The following NBEA variants were observed in gnomAD, a reference collection of about 807,000 sequenced individuals.
The protein encoded by NBEA is lysosomal-trafficking regulator 2.
NBEA carries 44 observed loss-of-function variants against 343.4 expected under a neutral mutation model. The ratio of observed to expected loss-of-function variants is 0.13; its 90% CI spans 0.10 to 0.16. The LOEUF (loss-of-function observed/expected upper bound fraction) is 0.16, where lower values mean the gene tolerates loss of function less well. NBEA is among the 10% of genes least tolerant of loss of function. The pLI, the probability that NBEA is intolerant of heterozygous loss-of-function variation, is 1.00. For synonymous variants in NBEA, 1,175 were observed against 1,238.7 expected, an observed-to-expected ratio of 0.95 and a Z score of 1.08; for missense variants, 2,555 against 3,631.3, an observed-to-expected ratio of 0.70 and a Z score of 7.62.
At chr13:35,264,366 A>G (rs1488641202) in intron 34 of NBEA, among the ~76,000 whole-genome samples, 1 of 151,986 alleles carries the variant, frequency 6.6e-6, no homozygotes, top group Non-Finnish European at 1.5e-5. Context: ...CTTTTAAAAA[A>G]TTGAAGAGGA....
chr13:35,523,192 C>G (rs1013384914), intron 41 of NBEA, among the ~76,000 whole-genome samples: 1 of 152,084 alleles, frequency 6.6e-6, no homozygotes, highest in Non-Finnish European at 1.5e-5. Flanking sequence ...ACCTTTCCAT[C>G]CACTATTTAA....
chr13:35,108,680 G>A (rs1169532280), intron 11 of NBEA, among the ~76,000 whole-genome samples: 3 of 152,008 alleles, frequency 2.0e-5, no homozygotes, highest in African/African-American at 7.2e-5. Context: ...TGTATGAGAT[G>A]GTGCAGCTTT....
intron 38 of NBEA, among the ~76,000 whole-genome samples, chr13:35,369,213 A>G (rs1021761449): frequency 1.4e-5 from 2 of 143,170 alleles, no homozygotes; most frequent in African/African-American, 5.2e-5. Context: ...TTTGAAAATC[A>G]GTTGGCTGTA....
intron 38 of NBEA, among the ~76,000 whole-genome samples, chr13:35,386,505 TTC>T (rs1280750741): frequency 2.6e-5 from 4 of 152,160 alleles, no homozygotes; most frequent in Admixed American, 2.0e-4. Flanking sequence ...TCTAAAATTT[TTC>T]TCTTTTTAAT....
intron 38 of NBEA, among the ~76,000 whole-genome samples, chr13:35,363,492 T>C (rs1042695637): frequency 6.6e-6 from 1 of 151,874 alleles, no homozygotes; most frequent in Non-Finnish European, 1.5e-5. Context: ...ATTACTTCAA[T>C]TTCCTCACCC....
chr13:34,973,280 T>A (rs901942100), intron 1 of NBEA, among the ~76,000 whole-genome samples: 2 of 152,028 alleles, frequency 1.3e-5, no homozygotes, highest in African/African-American at 4.8e-5. Flanking sequence ...AGGAACAGGA[T>A]TGGAGACCTG....
intron 41 of NBEA, among the ~76,000 whole-genome samples, chr13:35,494,762 C>T (rs2076616010): frequency 6.6e-6 from 1 of 152,000 alleles, no homozygotes; most frequent in African/African-American, 2.4e-5. Context: ...GTAATTTCAG[C>T]TCTTTGAGAG....
intron 31 of NBEA, among the ~76,000 whole-genome samples, chr13:35,202,052 C>T (rs73167782): frequency 0.045 from 6,916 of 152,250 alleles, 199 homozygotes; most frequent in South Asian, 0.069. Context: ...CCACACCTTT[C>T]ACCAGCCAGA....
intron 17 of NBEA, among the ~76,000 whole-genome samples, chr13:35,139,743 C>CTTTTT (rs1566350012): frequency 1.8e-5 from 1 of 55,144 alleles, no homozygotes; most frequent in Non-Finnish European, 3.4e-5. Context: ...TGATGGATGG[C>CTTTTT]GTTTTTTTTT....
At chr13:35,049,997 C>T (rs1224688881) in intron 5 of NBEA, among the ~76,000 whole-genome samples, 6 of 151,498 alleles carry the variant, frequency 4.0e-5, no homozygotes, top group African/African-American at 1.5e-4. Context: ...TGGTGGTAGG[C>T]TTTTGTTGGC....
At chr13:35,016,051 T>G (rs899062443) in intron 1 of NBEA, among the ~76,000 whole-genome samples, 4 of 152,206 alleles carry the variant, frequency 2.6e-5, no homozygotes, top group Non-Finnish European at 2.9e-5. Context: ...AGTTATGTTT[T>G]ATATCAAAGC....
intron 1 of NBEA, among the ~76,000 whole-genome samples, chr13:35,026,175 T>C (rs1184571460): frequency 6.6e-6 from 1 of 152,118 alleles, no homozygotes; most frequent in East Asian, 1.9e-4. Flanking sequence ...CTGCTTGCCC[T>C]CATTCTGTCT....
intron 10 of NBEA, among the ~76,000 whole-genome samples, chr13:35,093,999 T>G (rs2152632061): frequency 6.6e-6 from 1 of 151,928 alleles, no homozygotes; most frequent in Non-Finnish European, 1.5e-5. Flanking sequence ...ATATAAGAGA[T>G]TTATAATGAT....
intron 35 of NBEA, among the ~76,000 whole-genome samples, chr13:35,308,045 C>T (rs1269074111): frequency 1.3e-5 from 2 of 151,896 alleles, no homozygotes; most frequent in Middle Eastern, 3.2e-3. Context: ...GATTTTCTCT[C>T]CTTGGGAGAT....
chr13:34,987,807 C>T (rs1283545360), intron 1 of NBEA, among the ~76,000 whole-genome samples: 3 of 151,144 alleles, frequency 2.0e-5, no homozygotes, highest in Non-Finnish European at 3.0e-5. Flanking sequence ...CTTGTGCATG[C>T]ATCACATAGT....
Position 35,671,119 on chromosome 13 carries a change from T to C in NBEA, c.*128T>C. 1 of 633,464 alleles carries C rather than the reference T, an allele frequency of 1.6e-6. No individual in the cohort carries two copies. The highest frequency in any genetic ancestry group is 1.8e-5 in the African/African-American group (1 of 54,894). 39.2% of individuals were successfully genotyped at this position (633,464 alleles called of 1,614,324 possible). A position where few individuals can be genotyped will look rare whatever the true frequency, so the allele number is the denominator to read the frequency against. On this transcript the variant is annotated 3_prime_UTR_variant, in exon 59 of 59. Transcript: ENST00000379939. ...TTGTACATTCCATCACACCCAGCAATAGCTGTACATTGTAGTCAGCAACCA... is the reference window on the plus strand; with the variant it reads ...TTGTACATTCCATCACACCCAGCAACAGCTGTACATTGTAGTCAGCAACCA...
intron 11 of NBEA, among the ~76,000 whole-genome samples, chr13:35,103,395 T>A (rs2065750930): frequency 6.6e-6 from 1 of 151,670 alleles, no homozygotes; most frequent in African/African-American, 2.4e-5. Flanking sequence ...CTTTCTTGCA[T>A]TGTGTTTTGT....
intron 30 of NBEA, among the ~76,000 whole-genome samples, chr13:35,190,178 T>G (rs972503663): frequency 1.3e-5 from 2 of 152,182 alleles, no homozygotes; most frequent in Admixed American, 6.5e-5. Flanking sequence ...GCTTGTTTAG[T>G]GAGAAAAGCC....
chr13:35,665,837 A>G (rs1306889542), intron 56 of NBEA, among the ~76,000 whole-genome samples: 2 of 152,172 alleles, frequency 1.3e-5, no homozygotes, highest in Non-Finnish European at 2.9e-5. Context: ...CATGTTGGCC[A>G]GGCTGGTCTT....
Sources: allele counts gnomAD v4.1 joint callset (sites outside exome capture counted in the v4.1 genomes callset), GRCh38; gene constraint gnomAD v4.1.1; transcripts MANE v1.5; gene names NCBI Gene and HGNC (gene_info 2026-07-23, HGNC 2026-07-21).